The following MCPH1 variants were observed in gnomAD, a reference collection of about 807,000 sequenced individuals.
MCPH1 encodes the protein microcephalin 1.
Under a neutral mutation model 84.5 loss-of-function variants are expected in MCPH1, and 104 were observed. The observed-to-expected ratio is 1.23, with a 90% CI of 1.05 to 1.45. The LOEUF is 1.45. Ranked by LOEUF, MCPH1 falls within the 40% of genes most tolerant of loss-of-function variation. MCPH1 has a pLI of 0.00. For synonymous variants in MCPH1, 514 were observed against 366.8 expected (o/e 1.40, Z -4.58); for missense variants, 1,498 against 1,005.7 (o/e 1.49, Z -6.62).
intron 13 of MCPH1, chr8:6,642,688 G>T (rs1451022662): frequency 2.2e-6 from 1 of 456,060 alleles, no homozygotes; most frequent in Non-Finnish European, 4.0e-6. Flanking sequence ...AGACTGGCAA[G>T]CTTCCCACCC....
chr8:6,504,402 T>A (rs1387232424), intron 12 of MCPH1, among the ~76,000 whole-genome samples: 1 of 151,914 alleles, frequency 6.6e-6, no homozygotes, highest in Admixed American at 6.6e-5. Flanking sequence ...GATGCCCACT[T>A]CATCCCTCCC....
At chr8:6,601,046 C>T (rs559252411) in intron 12 of MCPH1, among the ~76,000 whole-genome samples, 2 of 152,284 alleles carry the variant, frequency 1.3e-5, no homozygotes, top group Admixed American at 6.5e-5. Context: ...CTGAGGCTCC[C>T]TGTGGGCTGG....
At chr8:6,476,404 G>T (rs1808462325) in intron 9 of MCPH1, among the ~76,000 whole-genome samples, 2 of 148,816 alleles carry the variant, frequency 1.3e-5, no homozygotes, top group Admixed American at 1.3e-4. Flanking sequence ...ACTCCAGTCT[G>T]GGCAACAAGA....
At chr8:6,426,251 G>A (rs2440430) in intron 3 of MCPH1, among the ~76,000 whole-genome samples, 138,217 of 152,190 alleles carry the variant, frequency 0.91, 63,521 homozygotes, top group Non-Finnish European at 0.98. Context: ...ACATTCACGG[G>A]TTTTTTGTGT....
In MCPH1 at chr8:6,576,093, A is replaced by G. The variant is rs551757333; in HGVS notation, c.2215-45361A>G. Among the ~76,000 whole-genome samples the G allele has an allele frequency of 1.7e-3, 253 of 151,848 alleles. 1 individual carries two copies. The highest frequency in any genetic ancestry group is 2.8e-3 in the Non-Finnish European group (187 of 67,952). On this transcript the variant is annotated intron_variant, in intron 12 of 13. Transcript: ENST00000344683. ...AGTAATAGGAAAGGAATTAAAATAT[A>G]ACGCTACCTTGCAGCCTCCACCAAA...
intron 9 of MCPH1, among the ~76,000 whole-genome samples, chr8:6,460,071 T>C (rs1806108997): frequency 6.6e-6 from 1 of 152,200 alleles, no homozygotes; most frequent in Non-Finnish European, 1.5e-5. Flanking sequence ...GTTTATTTAC[T>C]TGAGAGTCAC....
intron 12 of MCPH1, among the ~76,000 whole-genome samples, chr8:6,529,031 GT>G (rs1388156692): frequency 3.9e-4 from 60 of 152,322 alleles, no homozygotes; most frequent in African/African-American, 1.4e-3. Context: ...CTGGAAAATT[GT>G]GTCCTGTTTA....
chr8:6,434,407 G>A (rs771286748), intron 4 of MCPH1, among the ~76,000 whole-genome samples: 1 of 152,100 alleles, frequency 6.6e-6, no homozygotes. Context: ...CAAACTTCCC[G>A]GACCTGTGGC....
intron 12 of MCPH1, among the ~76,000 whole-genome samples, chr8:6,590,416 G>A (rs1434874618): frequency 1.6e-5 from 2 of 123,166 alleles, no homozygotes; most frequent in East Asian, 4.8e-4. Flanking sequence ...ACTACACCAT[G>A]AACAAAAAGC....
intron 9 of MCPH1, among the ~76,000 whole-genome samples, chr8:6,470,842 G>A (rs1014005318): frequency 2.6e-5 from 4 of 152,332 alleles, no homozygotes; most frequent in South Asian, 4.1e-4. Context: ...AAGGAGTGTT[G>A]TCTCAAACTG....
At chr8:6,562,502 T>A (rs1233604290) in intron 12 of MCPH1, 1 of 642,270 alleles carries the variant, frequency 1.6e-6, no homozygotes, top group Non-Finnish European at 2.4e-6. Context: ...ATCTTTCATT[T>A]GAGGGTACCA....
intron 11 of MCPH1, among the ~76,000 whole-genome samples, chr8:6,497,495 G>C (rs973503249): frequency 6.6e-6 from 1 of 151,902 alleles, no homozygotes; most frequent in African/African-American, 2.4e-5. Context: ...GAGGAAGACT[G>C]TCTAAAAAAA....
chr8:6,628,836 C>T lies in MCPH1; in HGVS notation c.2452+7145C>T, dbSNP rs531245945. Among the ~76,000 whole-genome samples the T allele has an allele frequency of 1.0e-3, 157 of 152,324 alleles. 1 individual carries two copies. Among genetic ancestry groups the T allele is most frequent in the African/African-American group, 3.6e-3 (149 of 41,576 alleles). ...AGCTCAACCTCCTAATGGGAAGCTG[C>T]CCTTGGTTTTAGGCTGTCTTTGCTT... On this transcript the variant is annotated intron_variant, in intron 13 of 13. Coordinates refer to ENST00000344683, the MANE Select transcript of MCPH1 (RefSeq NM_024596.5).
chr8:6,639,494 C>T (rs909735091), intron 13 of MCPH1, among the ~76,000 whole-genome samples: 1 of 151,874 alleles, frequency 6.6e-6, no homozygotes, highest in African/African-American at 2.4e-5. Context: ...GACCGTGTCC[C>T]TACAAAAAAA....
chr8:6,477,490 A>G, intron 9 of MCPH1, 104 bp from the exon 10 acceptor site: 1 of 1,004,834 alleles, frequency 1.0e-6, no homozygotes, highest in East Asian at 2.4e-5. Context: ...GTTTATTTTT[A>G]AGTGATGTAA....
At chr8:6,575,335 C>G (rs1826982945) in intron 12 of MCPH1, among the ~76,000 whole-genome samples, 1 of 152,130 alleles carries the variant, frequency 6.6e-6, no homozygotes, top group African/African-American at 2.4e-5. Context: ...CAAAGTTAAG[C>G]AGCAAAGCAG....
intron 12 of MCPH1, among the ~76,000 whole-genome samples, chr8:6,579,639 C>A (rs1289853551): frequency 1.3e-5 from 2 of 152,180 alleles, no homozygotes; most frequent in East Asian, 1.9e-4. Flanking sequence ...ATAAAATTAA[C>A]CCCTTAATCT....
chr8:6,568,729 AG>A (rs1826420852), intron 12 of MCPH1, among the ~76,000 whole-genome samples: 2 of 152,194 alleles, frequency 1.3e-5, no homozygotes, highest in African/African-American at 4.8e-5. Context: ...GTTTTCCATC[AG>A]GCCTGGGCAG....
Position 6,582,509 on chromosome 8 carries a change from C to T in MCPH1, c.2215-38945C>T, listed in dbSNP as rs547381274. 2.0e-5 allele frequency among the ~76,000 whole-genome samples: 3 copies of T among 152,262 alleles called. No individual in the cohort carries two copies. The East Asian group carries it at 5.8e-4, about 29-fold the overall frequency. ...TAATTAGAGTCCTTGATTCAGCACA[C>T]GTTCTCTTCATTGATCCTTACTCCT... On this transcript the variant is annotated intron_variant, in intron 12 of 13. Coordinates refer to ENST00000344683, the MANE Select transcript of MCPH1 (RefSeq NM_024596.5).
Sources: gnomAD v4.1 joint callset for allele counts (sites outside exome capture counted in the v4.1 genomes callset) on GRCh38, gnomAD v4.1.1 for gene constraint, MANE v1.5 for transcripts, NCBI Gene and HGNC (gene_info 2026-07-23, HGNC 2026-07-21) for gene names.